The following ELF1 variants were observed in gnomAD, a reference collection of about 807,000 sequenced individuals.
The protein encoded by ELF1 is E74 like ETS transcription factor 1.
A neutral mutation model predicts 59.9 loss-of-function variants in ELF1; 24 were observed. The observed-to-expected ratio is 0.40, with a 90% CI of 0.29 to 0.56. The LOEUF (loss-of-function observed/expected upper bound fraction) is 0.56, where lower values mean the gene tolerates loss of function less well. ELF1 is among the 20% of genes least tolerant of loss of function. The pLI is 0.44. For missense variants in ELF1, 627 were observed against 742.2 expected (o/e 0.84, Z 1.80); for synonymous variants, 248 against 266.2 (o/e 0.93, Z 0.67).
chr13:41,019,281 G>A lies in ELF1; in HGVS notation c.-282C>T, dbSNP rs1875593376. ...TGAGCTTGAAAATAAAAAGCAATCC[G>A]ACAAGTTTTAGCTGTTAAAATGGCT... On this transcript the variant is annotated 5_prime_UTR_variant, in exon 1 of 9. Transcript: ENST00000239882. 3.0e-6 allele frequency: 3 copies of A among 985,334 alleles called. No homozygotes were observed. Among genetic ancestry groups the A allele is most frequent in the Non-Finnish European group, 3.6e-6 (3 of 829,918 alleles). 61.0% of individuals were successfully genotyped at this position (985,334 alleles called of 1,614,324 possible). A position where few individuals can be genotyped will look rare whatever the true frequency, so the allele number is the denominator to read the frequency against.
chr13:40,951,562 C>G, intron 3 of ELF1, 126 bp from the exon 4 acceptor site: 2 of 568,728 alleles, frequency 3.5e-6, no homozygotes, highest in Non-Finnish European at 5.6e-6. Flanking sequence ...TATATATAAA[C>G]TATAAACACA....
chr13:40,997,371 C>T (rs900372082), intron 1 of ELF1, among the ~76,000 whole-genome samples: 4 of 152,054 alleles, frequency 2.6e-5, no homozygotes, highest in African/African-American at 9.7e-5. Flanking sequence ...GATTCTTCTG[C>T]CTCTGCCTCC....
Position 41,002,285 on chromosome 13 carries a change from G to A in ELF1, c.-229+16943C>T, listed in dbSNP as rs112880088. 8.4e-3 allele frequency among the ~76,000 whole-genome samples: 1,283 copies of A among 152,126 alleles called. 13 individuals carry two copies. The highest frequency in any genetic ancestry group is 0.029 in the African/African-American group (1,217 of 41,492). On this transcript the variant is annotated intron_variant, in intron 1 of 8. Coordinates refer to ENST00000239882, the MANE Select transcript of ELF1 (RefSeq NM_172373.4). ...TCCCCTTTATAAATAGAAATACCTG[G>A]AGAAGAAGAAATAATTCTTCCTATA...
At chr13:41,004,223 C>T (rs1387069397) in intron 1 of ELF1, among the ~76,000 whole-genome samples, 1 of 151,776 alleles carries the variant, frequency 6.6e-6, no homozygotes, top group Admixed American at 6.6e-5. Context: ...CAAAAGATGA[C>T]AGAATGAATA....
chr13:40,957,519 A>G (rs911674304), intron 3 of ELF1, among the ~76,000 whole-genome samples: 7 of 151,666 alleles, frequency 4.6e-5, no homozygotes, highest in Admixed American at 2.6e-4. Context: ...AAAAAAAAAA[A>G]AAAGAAAAAA....
chr13:40,958,866 CTA>C lies in ELF1; in HGVS notation c.221_222del (p.Ile74ArgfsTer3). On this transcript the variant is annotated frameshift_variant, in exon 3 of 9. Transcript: ENST00000239882. LOFTEE classifies it high-confidence loss of function. ...SSLDVAEEEI[I>X]DDDDDDITLT... ...AGGGTGATGTCATCATCATCATCGT[CTA>C]TGATTTCTTCTTCAGCAACATCCAG... is the stretch of plus-strand genomic sequence containing the variant. The C allele has an allele frequency of 6.2e-7, 1 of 1,613,306 alleles. No homozygotes were observed. The highest frequency in any genetic ancestry group is 1.1e-5 in the South Asian group (1 of 90,974).
chr13:40,940,386 GAAAAAAAA>G (rs375400990), intron 8 of ELF1, among the ~76,000 whole-genome samples: 15 of 109,870 alleles, frequency 1.4e-4, no homozygotes, highest in East Asian at 1.0e-3. Context: ...TGATTTAACT[GAAAAAAAA>G]AAAAAAAAAA....
chr13:40,973,406 A>G (rs1182477993), intron 2 of ELF1, among the ~76,000 whole-genome samples: 1 of 152,138 alleles, frequency 6.6e-6, no homozygotes. Flanking sequence ...ACACACAAAC[A>G]ATTATTTTCA....
At chr13:40,987,702 C>T (rs1369364128) in intron 1 of ELF1, among the ~76,000 whole-genome samples, 4 of 151,674 alleles carry the variant, frequency 2.6e-5, no homozygotes, top group Admixed American at 6.6e-5. Flanking sequence ...AAAGCAATGA[C>T]GTGGTTGAAT....
intron 2 of ELF1, among the ~76,000 whole-genome samples, chr13:40,981,702 T>C (rs1357280336): frequency 6.6e-6 from 1 of 152,152 alleles, no homozygotes; most frequent in African/African-American, 2.4e-5. Context: ...TAAAAATAAT[T>C]ACTTAAGGCA....
At position 41,000,382 on chromosome 13, in the gene ELF1, G is replaced by A. The variant is rs181694311; in HGVS notation, c.-228-18100C>T. 3.7e-3 allele frequency among the ~76,000 whole-genome samples: 565 copies of A among 151,014 alleles called. 4 individuals are homozygous for A. Among genetic ancestry groups the A allele is most frequent in the South Asian group, 0.022 (105 of 4,758 alleles). On this transcript the variant is annotated intron_variant, in intron 1 of 8. Coordinates refer to ENST00000239882, the MANE Select transcript of ELF1 (RefSeq NM_172373.4). ...GGAACTACAGGCACGCCACCACACC[G>A]GGCTAATTTTTGTATTTTTAGCAGA... is the stretch of plus-strand genomic sequence containing the variant.
At chr13:41,049,075 A>G (rs1876980898) in intron 1 of ELF1, among the ~76,000 whole-genome samples, 1 of 152,124 alleles carries the variant, frequency 6.6e-6, no homozygotes, top group Non-Finnish European at 1.5e-5. Context: ...ATTTTGCCCC[A>G]ATTCTGGACT....
intron 1 of ELF1, chr13:40,993,380 G>A: frequency 1.1e-6 from 1 of 915,750 alleles, no homozygotes. Context: ...TGTGGGCAGT[G>A]CACCGATGGG....
In ELF1 at chr13:40,987,601, AAAAG is replaced by A. The variant is rs1253252196; in HGVS notation, c.-228-5323_-228-5320del. Among the ~76,000 whole-genome samples the A allele has an allele frequency of 1.8e-3, 70 of 38,210 alleles. 1 individual carries two copies. In the South Asian group the frequency reaches 0.07, roughly 38 times the overall value. The allele number at this position is 38,210 out of a possible 152,430, so 25.1% of individuals were successfully genotyped here. ...CTCTGTCTCAAAAAAAAAAAAAAAA[AAAAG>A]AAAGAAAATTAATAAAGAGAATCAA... On this transcript the variant is annotated intron_variant, in intron 1 of 8. Coordinates refer to ENST00000239882, the MANE Select transcript of ELF1 (RefSeq NM_172373.4).
intron 1 of ELF1, among the ~76,000 whole-genome samples, chr13:41,030,050 C>CATAT (rs953021360): frequency 1.3e-5 from 2 of 151,058 alleles, no homozygotes; most frequent in African/African-American, 4.9e-5. Context: ...GAATAATTAC[C>CATAT]ATATATATAT....
intron 1 of ELF1, among the ~76,000 whole-genome samples, chr13:41,002,454 G>T (rs1457500879): frequency 6.6e-6 from 1 of 151,860 alleles, no homozygotes; most frequent in Non-Finnish European, 1.5e-5. Flanking sequence ...ACCAGCCTGA[G>T]CAACATGGCG....
chr13:41,015,063 G>C (rs1188900282), intron 1 of ELF1, among the ~76,000 whole-genome samples: 1 of 152,018 alleles, frequency 6.6e-6, no homozygotes, highest in Non-Finnish European at 1.5e-5. Context: ...CAAGAGAGAA[G>C]AGCTTTCAAA....
chr13:40,969,038 A>C lies in ELF1; in HGVS notation c.73-10022T>G, dbSNP rs1872363306. On this transcript the variant is annotated intron_variant, in intron 2 of 8. Coordinates refer to ENST00000239882, the MANE Select transcript of ELF1 (RefSeq NM_172373.4). The stretch of plus-strand genomic sequence containing the variant: ...CCCAGGGACCTATTCCTTATTATAA[A>C]ATAAAAAGCAGTTTTAGCAACCAGG... Among the ~76,000 whole-genome samples the C allele has an allele frequency of 2.0e-5, 3 of 152,136 alleles. No homozygotes were observed. The South Asian group carries it at 6.2e-4, about 32-fold the overall frequency.
upstream of ELF1, among the ~76,000 whole-genome samples, chr13:41,021,163 T>C (rs1875675685): frequency 2.0e-5 from 3 of 152,218 alleles, no homozygotes; most frequent in South Asian, 6.2e-4. Flanking sequence ...AGATGTTTTA[T>C]GTAGAACAGG....
Sources: gnomAD v4.1 joint callset for allele counts (sites outside exome capture counted in the v4.1 genomes callset) on GRCh38, gnomAD v4.1.1 for gene constraint, MANE v1.5 for transcripts, NCBI Gene and HGNC (gene_info 2026-07-23, HGNC 2026-07-21) for gene names.